The following ZSCAN25 variants were observed in gnomAD, a reference collection of about 807,000 sequenced individuals.
ZSCAN25 encodes zinc finger and SCAN domain-containing protein 25.
Under a neutral mutation model 38.7 loss-of-function variants are expected in ZSCAN25, and 27 were observed. That is an observed-to-expected ratio of 0.70 (90% CI 0.51 to 0.96). The LOEUF is 0.96. Among genes scored for constraint, ZSCAN25 ranks in the 40% least tolerant of loss-of-function variants. The pLI, the probability that ZSCAN25 is intolerant of heterozygous loss-of-function variation, is 0.00. For synonymous variants in ZSCAN25, 273 were observed against 277.7 expected (o/e 0.98, Z 0.17); for missense variants, 637 against 705.9 (o/e 0.90, Z 1.11).
At chr7:99,632,986 G>GTTTTTTTTT (rs201141594), downstream of ZSCAN25, among the ~76,000 whole-genome samples, 12 of 141,532 alleles carry the variant, frequency 8.5e-5, no homozygotes, top group South Asian at 4.9e-4. Flanking sequence ...TGCATTTTCT[G>GTTTTTTTTT]TTGTTTTTTT....
the ZSCAN25 span, chr7:99,660,727 C>G: frequency 1.3e-6 from 2 of 1,555,440 alleles, no homozygotes; most frequent in African/African-American, 1.4e-5. Flanking sequence ...TAGATGAAAT[C>G]TAAGTGAAGC....
the ZSCAN25 span, chr7:99,647,940 T>A: frequency 1.0e-6 from 1 of 983,762 alleles, no homozygotes; most frequent in Non-Finnish European, 1.2e-6. Context: ...ATTAGAGTCA[T>A]CATGATAATT....
the ZSCAN25 span, chr7:99,720,534 A>T: frequency 6.5e-6 from 7 of 1,083,646 alleles, no homozygotes; most frequent in Non-Finnish European, 9.6e-6. Flanking sequence ...AATACACAGT[A>T]ATCTTAAGTT....
In ZSCAN25 at chr7:99,624,185, G is replaced by T; in HGVS notation, c.805+5G>T. ...AGGACTGCAGGGTCTCTCCAGGTAA[G>T]ACTGTCTCCACCCACAGGTGAGGAA... On this transcript the variant is annotated splice_donor_5th_base_variant and intron_variant, in intron 7 of 7. Transcript: ENST00000394152. 1.9e-6 allele frequency: 3 copies of T among 1,613,366 alleles called. No homozygotes were observed. In the African/African-American group the frequency reaches 4.0e-5, roughly 22 times the overall value.
At chr7:99,635,781 C>T (rs1291336847), downstream of ZSCAN25, among the ~76,000 whole-genome samples, 1 of 152,218 alleles carries the variant, frequency 6.6e-6, no homozygotes, top group Non-Finnish European at 1.5e-5. Context: ...GGCGCGGTGG[C>T]TCATGCCTGT....
chr7:99,695,579 AAG>A, the ZSCAN25 span, among the ~76,000 whole-genome samples: 14 of 152,142 alleles, frequency 9.2e-5, no homozygotes, highest in Admixed American at 7.9e-4. Flanking sequence ...GAGAGTTAGC[AAG>A]AGAGTCCCGG....
the ZSCAN25 span, among the ~76,000 whole-genome samples, chr7:99,639,399 G>T: frequency 1.3e-5 from 2 of 152,172 alleles, no homozygotes; most frequent in African/African-American, 4.8e-5. Context: ...AAGAGCTGTT[G>T]AAGTCTAATC....
chr7:99,728,372 C>T, the ZSCAN25 span, among the ~76,000 whole-genome samples: 3 of 152,108 alleles, frequency 2.0e-5, no homozygotes, highest in East Asian at 3.9e-4. Context: ...TTACTTATAC[C>T]GAACCCCATG....
chr7:99,734,873 A>C, the ZSCAN25 span: 1 of 1,175,958 alleles, frequency 8.5e-7, no homozygotes, highest in Non-Finnish European at 1.3e-6. Flanking sequence ...CCACCTGCTC[A>C]GCATCCCAAA....
chr7:99,707,662 C>T, the ZSCAN25 span: 1 of 1,338,602 alleles, frequency 7.5e-7, no homozygotes, highest in South Asian at 1.4e-5. Flanking sequence ...CTGAAGCACC[C>T]TTAAAGATCA....
chr7:99,665,362 C>T, the ZSCAN25 span: 1 of 1,608,900 alleles, frequency 6.2e-7, no homozygotes. Flanking sequence ...CTCTTACCGT[C>T]CTTCCACTAT....
the ZSCAN25 span, among the ~76,000 whole-genome samples, chr7:99,686,071 A>G: frequency 6.6e-6 from 1 of 152,212 alleles, no homozygotes; most frequent in Non-Finnish European, 1.5e-5. Flanking sequence ...TACAGCTCCC[A>G]GTGTGAGTGA....
chr7:99,662,695 GTGT>G, the ZSCAN25 span: 1 of 899,752 alleles, frequency 1.1e-6, no homozygotes, highest in South Asian at 1.5e-5. This position sits in a 1 kb window ranked among gnomAD's most constrained non-coding sequence, Gnocchi z 4.3. Context: ...ATCTAAATGT[GTGT>G]TGTTCTGCTA....
the ZSCAN25 span, chr7:99,695,936 AG>A: frequency 1.0e-6 from 1 of 971,346 alleles, no homozygotes; most frequent in Non-Finnish European, 1.6e-6. Flanking sequence ...GCTCAAGAGA[AG>A]GAGGTAACAT....
At chr7:99,734,913 G>A in the ZSCAN25 span, 39 of 1,546,150 alleles carry the variant, frequency 2.5e-5, no homozygotes, top group Admixed American at 6.7e-5. Flanking sequence ...GAGCCACCAC[G>A]GCCAGCCTGA....
chr7:99,638,521 C>A, the ZSCAN25 span: 5 of 1,509,292 alleles, frequency 3.3e-6, no homozygotes, highest in East Asian at 1.1e-4. Context: ...AAGATCAGAC[C>A]TTGGGTCCCA....
At chr7:99,712,167 G>A in the ZSCAN25 span, among the ~76,000 whole-genome samples, 283 of 152,242 alleles carry the variant, frequency 1.9e-3, 1 homozygote, top group African/African-American at 6.5e-3. Context: ...TAGAGACCGG[G>A]AACACAGAAA....
chr7:99,626,573 A>T (rs893410098), intron 7 of ZSCAN25, among the ~76,000 whole-genome samples: 1 of 152,184 alleles, frequency 6.6e-6, no homozygotes, highest in Non-Finnish European at 1.5e-5. Context: ...AGAGGAGTCT[A>T]CGTCTTAGGA....
chr7:99,704,479 G>T, the ZSCAN25 span, among the ~76,000 whole-genome samples: 4 of 151,858 alleles, frequency 2.6e-5, no homozygotes, highest in Non-Finnish European at 4.4e-5. Flanking sequence ...TTAGTAGAAA[G>T]GGGGCTTCAC....
Sources: gnomAD v4.1 joint callset for allele counts (sites outside exome capture counted in the v4.1 genomes callset) on GRCh38, gnomAD v4.1.1 for gene constraint, Gnocchi (gnomAD v3.1) non-coding constraint, MANE v1.5 for transcripts, NCBI Gene and HGNC (gene_info 2026-07-23, HGNC 2026-07-21) for gene names.